The following BCKDK variants were observed in gnomAD, a reference collection of about 807,000 sequenced individuals.
The protein encoded by BCKDK is branched chain keto acid dehydrogenase kinase.
In BCKDK, 28 loss-of-function variants were observed where a neutral mutation model predicts 43.9. That is an observed-to-expected ratio of 0.64 (90% confidence interval 0.47 to 0.87). The LOEUF is 0.87. Among genes scored for constraint, BCKDK ranks in the 40% least tolerant of loss-of-function variants. BCKDK has a pLI of 0.00. For missense variants in BCKDK, 483 were observed against 581.4 expected, an observed-to-expected ratio of 0.83 and a Z score of 1.74; for synonymous variants, 257 against 234.3, an observed-to-expected ratio of 1.10 and a Z score of -0.88.
chr16:31,115,073 C>T (rs983194167), downstream of BCKDK, among the ~76,000 whole-genome samples: 3 of 151,790 alleles, frequency 2.0e-5, no homozygotes, highest in Admixed American at 6.6e-5. Context: ...TACAGGCACA[C>T]GCCACCACCC....
chr16:31,109,202 CG>C lies in BCKDK; in HGVS notation c.-19del, dbSNP rs956090156. 1 of 1,495,026 alleles carries C rather than the reference CG, an allele frequency of 6.7e-7. No individual in the cohort carries two copies. Among genetic ancestry groups the C allele is most frequent in the Non-Finnish European group, 8.9e-7 (1 of 1,126,750 alleles). The allele number at this position is 1,495,026 out of a possible 1,614,324, so 92.6% of individuals were successfully genotyped here. Reference sequence around the variant, plus strand: ...GCGGATCCTCAGTCCTAGCGGCCACCGGGTCTGAAAGGAGCAAGACGATGAT... The same window carrying C: ...GCGGATCCTCAGTCCTAGCGGCCACCGGTCTGAAAGGAGCAAGACGATGAT... On this transcript the variant is annotated 5_prime_UTR_variant, in exon 2 of 12. Coordinates refer to ENST00000219794, the MANE Select transcript of BCKDK (RefSeq NM_005881.4). The surrounding 1 kb of genome is among the most constrained non-coding windows in gnomAD (Gnocchi z 5.3).
chr16:31,111,265 G>T (rs1447132054), intron 9 of BCKDK, 35 bp from the exon 10 acceptor site: 1 of 1,614,132 alleles, frequency 6.2e-7, no homozygotes, highest in Admixed American at 1.7e-5. Flanking sequence ...AGGAACCGGG[G>T]TGCTTGTACC....
At position 31,112,635 on chromosome 16, in the gene BCKDK, C is replaced by T. The variant is rs2057424060; in HGVS notation, c.*370C>T. Reference sequence around the variant, plus strand: ...CTGCCCCCATTCAGGTTCACTGAGCCCTTGGGTTGAACTGGTTCGTGTCCC... The same window carrying T: ...CTGCCCCCATTCAGGTTCACTGAGCTCTTGGGTTGAACTGGTTCGTGTCCC... On this transcript the variant is annotated 3_prime_UTR_variant, in exon 12 of 12. Transcript: ENST00000219794. The surrounding 1 kb of genome is among the most constrained non-coding windows in gnomAD (Gnocchi z 5.0). 5.1e-6 allele frequency: 2 copies of T among 389,288 alleles called. No individual in the cohort carries two copies. The highest frequency in any genetic ancestry group is 4.2e-5 in the South Asian group (2 of 47,352). The allele number at this position is 389,288 out of a possible 1,614,324, so 24.1% of individuals were successfully genotyped here.
rs2057415846 is a variant in BCKDK, at chr16:31,111,959, C to T, written c.1026C>T (p.Asp342=). The change falls in exon 11 of 12, where the codon GAC becomes GAT. Residue 342 remains aspartate (D), a synonymous_variant. Coordinates refer to ENST00000219794, the MANE Select transcript of BCKDK (RefSeq NM_005881.4). Reference sequence around the variant, plus strand: ...CTACTGCTGAGGCCAGCACACAGGACCCCCGGATCAGCCCCCTCTTTGGCC... The same window carrying T: ...CTACTGCTGAGGCCAGCACACAGGATCCCCGGATCAGCCCCCTCTTTGGCC... ...HFTTAEASTQ[D]PRISPLFGHL... 3.1e-6 allele frequency: 5 copies of T among 1,614,128 alleles called. No individual in the cohort carries two copies. The highest frequency in any genetic ancestry group is 2.5e-6 in the Non-Finnish European group (3 of 1,180,028).
chr16:31,109,533 C>G lies in BCKDK; in HGVS notation c.218C>G (p.Thr73Ser). ...TAGCCCTCAGTCCGCCTAACGCCCA[C>G]CATGATGCTCTACGCTGGCCGCTCT... ...AEKPSVRLTPTMMLYAGRSQD... is the reference protein window; with the variant it reads ...AEKPSVRLTPSMMLYAGRSQD... The change falls in exon 3 of 12, where the codon ACC (threonine) becomes AGC (serine). Residue 73 changes from threonine (T) to serine (S), a missense_variant. Transcript: ENST00000219794. This position sits in a 1 kb window ranked among gnomAD's most constrained non-coding sequence, Gnocchi z 5.3. The G allele has an allele frequency of 6.2e-7, 1 of 1,614,154 alleles. No individual in the cohort carries two copies. The highest frequency in any genetic ancestry group is 8.5e-7 in the Non-Finnish European group (1 of 1,180,020).
In BCKDK at chr16:31,111,113, G is replaced by A; in HGVS notation, c.739G>A (p.Gly247Ser). Residue 247 changes from glycine to serine, a missense_variant, in exon 9 of 12, where the codon GGC (glycine) becomes AGC (serine). By Grantham distance (56) the Gly-to-Ser change is moderately conservative (BLOSUM62 0). Coordinates refer to ENST00000219794, the MANE Select transcript of BCKDK (RefSeq NM_005881.4). Reference protein sequence around the residue: ...FARRLCEHKYGNAPRVRINGH... With the variant: ...FARRLCEHKYSNAPRVRINGH... Reference sequence around the variant, plus strand: ...CAGACGCCTGTGTGAGCACAAGTATGGCAATGCGCCCCGTGTCCGCATCAA... The same window carrying A: ...CAGACGCCTGTGTGAGCACAAGTATAGCAATGCGCCCCGTGTCCGCATCAA... 4 of 1,614,144 alleles carry A rather than the reference G, an allele frequency of 2.5e-6. No homozygotes were observed. Among genetic ancestry groups the A allele is most frequent in the Non-Finnish European group, 3.4e-6 (4 of 1,180,014 alleles).
At chr16:31,117,434 G>A (rs1179991019), downstream of BCKDK, 2 of 387,510 alleles carry the variant, frequency 5.2e-6, no homozygotes, top group East Asian at 7.3e-5. Context: ...ATCGCATGAG[G>A]TAAGTCTGTC....
At chr16:31,114,290 AC>A (rs144629484), downstream of BCKDK, among the ~76,000 whole-genome samples, 274 of 111,878 alleles carry the variant, frequency 2.4e-3, no homozygotes, top group Non-Finnish European at 3.5e-3. Context: ...CCTCCGCCCC[AC>A]CCCCCCCCAA....
chr16:31,116,812 G>A (rs974189509), downstream of BCKDK, among the ~76,000 whole-genome samples: 2 of 151,646 alleles, frequency 1.3e-5, no homozygotes, highest in African/African-American at 2.4e-5. Context: ...AGCTATTCAG[G>A]AGGCTGAGGC....
At position 31,109,646 on chromosome 16, in the gene BCKDK, C is replaced by G. The variant is rs374518693; in HGVS notation, c.265-27C>G. On this transcript the variant is annotated intron_variant, in intron 3 of 11. Transcript: ENST00000219794. This position sits in a 1 kb window ranked among gnomAD's most constrained non-coding sequence, Gnocchi z 5.3. ...TCTCCCAGACACTCAGGCTCCAGCC[C>G]CGCCTTCCCTTCTCATTTTCTCCCA... 3.5e-5 allele frequency: 56 copies of G among 1,613,682 alleles called. No individual in the cohort carries two copies. The highest frequency in any genetic ancestry group is 4.7e-5 in the Non-Finnish European group (56 of 1,179,776).
rs772952138 is a variant in BCKDK, at chr16:31,111,067, C to T, written c.717-24C>T. The T allele has an allele frequency of 3.7e-6, 6 of 1,612,520 alleles. No homozygotes were observed. In the South Asian group the frequency reaches 4.4e-5, roughly 12 times the overall value. On this transcript the variant is annotated intron_variant, in intron 8 of 11. Transcript: ENST00000219794. Reference sequence around the variant, plus strand: ...AAACCACTGGTGGAGGGGCCCCTGACTGAACCCTCGCTCCTATCCGCAGAC... The same window carrying T: ...AAACCACTGGTGGAGGGGCCCCTGATTGAACCCTCGCTCCTATCCGCAGAC...
At position 31,110,190 on chromosome 16, in the gene BCKDK, C is replaced by T; in HGVS notation, c.424-15C>T. On this transcript the variant is annotated splice_polypyrimidine_tract_variant and intron_variant, in intron 5 of 11. Coordinates refer to ENST00000219794, the MANE Select transcript of BCKDK (RefSeq NM_005881.4). The surrounding 1 kb of genome is among the most constrained non-coding windows in gnomAD (Gnocchi z 5.4). The stretch of plus-strand genomic sequence containing the variant: ...GGGCTTGGACCACCCTTCCTCATGA[C>T]TCTGTGACCTGCAGATCAAGGACCA... The T allele has an allele frequency of 6.2e-7, 1 of 1,614,122 alleles. No homozygotes were observed. The highest frequency in any genetic ancestry group is 8.5e-7 in the Non-Finnish European group (1 of 1,180,022).
At position 31,109,055 on chromosome 16, in the gene BCKDK, T is replaced by C; in HGVS notation, c.-169T>C. On this transcript the variant is annotated 5_prime_UTR_variant, in exon 2 of 12. Coordinates refer to ENST00000219794, the MANE Select transcript of BCKDK (RefSeq NM_005881.4). This position sits in a 1 kb window ranked among gnomAD's most constrained non-coding sequence, Gnocchi z 5.3. ...CTTCCCCGCCCCGGTAGATGGGAGC[T>C]GCTCTCCGCGGGCTGAGCCTGTCAG... 1.8e-6 allele frequency: 1 copy of C among 556,348 alleles called. No homozygotes were observed. Among genetic ancestry groups the C allele is most frequent in the Non-Finnish European group, 3.0e-6 (1 of 328,874 alleles). The allele number at this position is 556,348 out of a possible 1,614,324, so 34.5% of individuals were successfully genotyped here. A position where few individuals can be genotyped will look rare whatever the true frequency, so the allele number is the denominator to read the frequency against.
At chr16:31,114,033 T>C (rs1005477261), downstream of BCKDK, among the ~76,000 whole-genome samples, 1 of 152,092 alleles carries the variant, frequency 6.6e-6, no homozygotes, top group Non-Finnish European at 1.5e-5. Context: ...TTAAAGTCAG[T>C]TGGGAAAGTG....
At chr16:31,117,613 CA>C, downstream of BCKDK, 1 of 1,242,054 alleles carries the variant, frequency 8.1e-7, no homozygotes, top group Non-Finnish European at 1.0e-6. Context: ...GAGCCCGCCC[CA>C]CGCACTGCTG....
chr16:31,109,890 C>A lies in BCKDK; in HGVS notation c.375+107C>A. ...ATTGCTTGCCTAAAGGTGTCAGGGC[C>A]ACACAGGATTCAACCCCAGGCCTTC... On this transcript the variant is annotated intron_variant, in intron 4 of 11. Coordinates refer to ENST00000219794, the MANE Select transcript of BCKDK (RefSeq NM_005881.4). The surrounding 1 kb of genome is among the most constrained non-coding windows in gnomAD (Gnocchi z 5.3). 1 of 1,393,044 alleles carries A rather than the reference C, an allele frequency of 7.2e-7. No individual in the cohort carries two copies. The highest frequency in any genetic ancestry group is 1.0e-6 in the Non-Finnish European group (1 of 989,630). The allele number at this position is 1,393,044 out of a possible 1,614,324, so 86.3% of individuals were successfully genotyped here. A position where few individuals can be genotyped will look rare whatever the true frequency, so the allele number is the denominator to read the frequency against.
chr16:31,111,300 A>G lies in BCKDK; in HGVS notation c.846A>G (p.Arg282=). ...ILPELLKNAM[R]ATMESHLDTP... is the part of the protein sequence containing the mutation. ...CTACTGGTCTTTCCCCTCTGCATAG[A>G]GCCACAATGGAGAGTCACCTAGACA... Residue 282 remains arginine, a splice_region_variant and synonymous_variant, in exon 10 of 12, where the codon AGA becomes AGG. Transcript: ENST00000219794. 1 of 1,614,096 alleles carries G rather than the reference A, an allele frequency of 6.2e-7. No individual in the cohort carries two copies. Among genetic ancestry groups the G allele is most frequent in the South Asian group, 1.1e-5 (1 of 91,084 alleles).
At chr16:31,111,470 G>T in intron 10 of BCKDK, 81 bp downstream of exon 10, 1 of 1,428,772 alleles carries the variant, frequency 7.0e-7, no homozygotes, top group East Asian at 2.3e-5. Context: ...AGGACCTTGA[G>T]CCCCTTCCTG....
At position 31,112,472 on chromosome 16, in the gene BCKDK, G is replaced by C. The variant is rs184945542; in HGVS notation, c.*207G>C. 9.0e-5 allele frequency: 72 copies of C among 798,674 alleles called. No homozygotes were observed. In the Admixed American group the frequency reaches 9.2e-4, roughly 10 times the overall value. The allele number at this position is 798,674 out of a possible 1,614,324, so 49.5% of individuals were successfully genotyped here. On this transcript the variant is annotated 3_prime_UTR_variant, in exon 12 of 12. Coordinates refer to ENST00000219794, the MANE Select transcript of BCKDK (RefSeq NM_005881.4). The surrounding 1 kb of genome is among the most constrained non-coding windows in gnomAD (Gnocchi z 5.0). Reference sequence around the variant, plus strand: ...CGCCTCCAGAACTTGGAGCAGGGAAGTGGGCACCCTGAGGCCTCCAGCACC... The same window carrying C: ...CGCCTCCAGAACTTGGAGCAGGGAACTGGGCACCCTGAGGCCTCCAGCACC...
Sources: allele counts gnomAD v4.1 joint callset (sites outside exome capture counted in the v4.1 genomes callset), GRCh38; gene constraint gnomAD v4.1.1; non-coding constraint Gnocchi (gnomAD v3.1); transcripts MANE v1.5; gene names NCBI Gene and HGNC (gene_info 2026-07-23, HGNC 2026-07-21).